Variants in OR6C2 observed in about 807,000 individuals in gnomAD.
OR6C2 encodes the protein olfactory receptor 6C2.
For missense variants in OR6C2, 435 were observed against 365.8 expected, an observed-to-expected ratio of 1.19 and a Z score of -1.54; for synonymous variants, 146 against 134.2, an observed-to-expected ratio of 1.09 and a Z score of -0.61.
In OR6C2 at chr12:55,453,272, A is replaced by G. The variant is rs1799401955; in HGVS notation, c.*120A>G. ...TAGTCATGTGAACCTTCTCAATGAC[A>G]TTTAATATTGCATCCTAATCCCATC... On this transcript the variant is annotated 3_prime_UTR_variant, in exon 2 of 2. Transcript: ENST00000641202. The G allele has an allele frequency of 3.0e-6, 2 of 672,392 alleles. No homozygotes were observed. Among genetic ancestry groups the G allele is most frequent in the African/African-American group, 3.6e-5 (2 of 54,942 alleles). The allele number at this position is 672,392 out of a possible 1,614,324, so 41.7% of individuals were successfully genotyped here.
chr12:55,452,934 T>C lies in OR6C2; in HGVS notation c.721T>C (p.Ser241Pro). The C allele has an allele frequency of 6.2e-7, 1 of 1,613,740 alleles. No individual in the cohort carries two copies. Among genetic ancestry groups the C allele is most frequent in the South Asian group, 1.1e-5 (1 of 91,084 alleles). The change falls in exon 2 of 2, where the codon TCC becomes CCC. Residue 241 changes from serine to proline, a missense_variant. Ser to Pro is a moderately conservative substitution (Grantham distance 74). Coordinates refer to ENST00000641202, the MANE Select transcript of OR6C2 (RefSeq NM_054105.2). ...QRKKAFSTCS[S>P]HMIVVSIAYG... ...GAAAAAGGCCTTTTCTACCTGTTCA[T>C]CCCACATGATTGTGGTTTCCATTGC...
At chr12:55,446,172 G>A (rs1162833894) in intron 1 of OR6C2, among the ~76,000 whole-genome samples, 1 of 150,266 alleles carries the variant, frequency 6.7e-6, no homozygotes, top group East Asian at 2.0e-4. Context: ...TTCGTGAGAC[G>A]GAGTTTCGCT....
In OR6C2 at chr12:55,453,282, G is replaced by T; in HGVS notation, c.*130G>T. 1.6e-6 allele frequency: 1 copy of T among 639,566 alleles called. No homozygotes were observed. Among genetic ancestry groups the T allele is most frequent in the Non-Finnish European group, 2.7e-6 (1 of 368,792 alleles). The allele number at this position is 639,566 out of a possible 1,614,324, so 39.6% of individuals were successfully genotyped here. A position where few individuals can be genotyped will look rare whatever the true frequency, so the allele number is the denominator to read the frequency against. ...AACCTTCTCAATGACATTTAATATTGCATCCTAATCCCATCTTTATCAAAA... is the reference window on the plus strand; with the variant it reads ...AACCTTCTCAATGACATTTAATATTTCATCCTAATCCCATCTTTATCAAAA... On this transcript the variant is annotated 3_prime_UTR_variant, in exon 2 of 2. Transcript: ENST00000641202.
chr12:55,452,816 T>G lies in OR6C2; in HGVS notation c.603T>G (p.Ala201=). The G allele has an allele frequency of 1.2e-6, 2 of 1,613,824 alleles. No homozygotes were observed. Among genetic ancestry groups the G allele is most frequent in the Non-Finnish European group, 1.7e-6 (2 of 1,179,790 alleles). The change falls in exon 2 of 2, where the codon GCT becomes GCG. Residue 201 remains alanine, a synonymous_variant. Coordinates refer to ENST00000641202, the MANE Select transcript of OR6C2 (RefSeq NM_054105.2). ...WVIEQMVILM[A]VFALIITLVC... ...TAGAACAGATGGTTATACTTATGGCTGTATTTGCACTCATTATCACCCTAG... is the reference window on the plus strand; with the variant it reads ...TAGAACAGATGGTTATACTTATGGCGGTATTTGCACTCATTATCACCCTAG...
chr12:55,444,629 A>G (rs1273903927), intron 1 of OR6C2, among the ~76,000 whole-genome samples: 3 of 152,178 alleles, frequency 2.0e-5, no homozygotes, highest in East Asian at 1.9e-4. Context: ...GTTGTTGCTC[A>G]TGATGCACTG....
rs1000333280 is a variant in OR6C2 at position 55,452,158 on chromosome 12, C to A, written c.-56C>A. ...TTTTGCTATAGAATTCAAATATCTACCCCCTCATAAACCGTGATTTTTAAA... is the reference window on the plus strand; with the variant it reads ...TTTTGCTATAGAATTCAAATATCTAACCCCTCATAAACCGTGATTTTTAAA... On this transcript the variant is annotated 5_prime_UTR_variant, in exon 2 of 2. Transcript: ENST00000641202. The A allele has an allele frequency of 1.3e-4, 144 of 1,119,736 alleles. 2 individuals carry two copies. The Admixed American group carries it at 3.3e-3, about 26-fold the overall frequency. 69.4% of individuals were successfully genotyped at this position (1,119,736 alleles called of 1,614,324 possible).
At chr12:55,445,662 T>C (rs888570196) in intron 1 of OR6C2, among the ~76,000 whole-genome samples, 6 of 152,178 alleles carry the variant, frequency 3.9e-5, no homozygotes, top group African/African-American at 1.4e-4. Context: ...AGAGATGACA[T>C]GAACAAAATA....
intron 1 of OR6C2, among the ~76,000 whole-genome samples, chr12:55,448,028 A>G (rs1237909430): frequency 1.3e-5 from 2 of 151,840 alleles, no homozygotes; most frequent in Non-Finnish European, 2.9e-5. Flanking sequence ...CTTGTTTTTT[A>G]ATAGCCATCC....
intron 1 of OR6C2, among the ~76,000 whole-genome samples, chr12:55,448,913 T>A (rs573919065): frequency 3.3e-5 from 5 of 151,974 alleles, no homozygotes; most frequent in Non-Finnish European, 7.4e-5. Flanking sequence ...TGTTCATATT[T>A]CTTTATGCTA....
chr12:55,448,643 C>CAAAAAAAAAATAAATAAATAAAAAAAAAA (rs1555179340), intron 1 of OR6C2, among the ~76,000 whole-genome samples: 2 of 71,704 alleles, frequency 2.8e-5, no homozygotes, highest in African/African-American at 1.0e-4. Flanking sequence ...CCATTCACTG[C>CAAAAAAAAAATAAATAAATAAAAAAAAAA]AAAAAAAAAA....
At chr12:55,451,025 AT>A (rs962096809) in intron 1 of OR6C2, among the ~76,000 whole-genome samples, 1 of 147,642 alleles carries the variant, frequency 6.8e-6, no homozygotes. Context: ...GTCTTTTTAA[AT>A]TTTTTTTAAT....
chr12:55,444,995 C>T (rs1050586101), intron 1 of OR6C2, among the ~76,000 whole-genome samples: 1 of 152,110 alleles, frequency 6.6e-6, no homozygotes, highest in African/African-American at 2.4e-5. Context: ...AAACAAGGAA[C>T]TGTTTTTCTT....
Position 55,453,332 on chromosome 12 carries a change from A to T in OR6C2, c.*180A>T. 2 of 549,150 alleles carry T rather than the reference A, an allele frequency of 3.6e-6. No individual in the cohort carries two copies. Among genetic ancestry groups the T allele is most frequent in the Non-Finnish European group, 6.4e-6 (2 of 312,582 alleles). The allele number at this position is 549,150 out of a possible 1,614,324, so 34.0% of individuals were successfully genotyped here. On this transcript the variant is annotated 3_prime_UTR_variant, in exon 2 of 2. Coordinates refer to ENST00000641202, the MANE Select transcript of OR6C2 (RefSeq NM_054105.2). Reference sequence around the variant, plus strand: ...ATCCTTATTATTTCGAACCAAGGTCATACATTGTGTTTTCCCTCATTGTGA... The same window carrying T: ...ATCCTTATTATTTCGAACCAAGGTCTTACATTGTGTTTTCCCTCATTGTGA...
In OR6C2 at chr12:55,452,485, C is replaced by A. The variant is rs1346594250; in HGVS notation, c.272C>A (p.Thr91Asn). The A allele has an allele frequency of 6.2e-7, 1 of 1,613,878 alleles. No homozygotes were observed. Among genetic ancestry groups the A allele is most frequent in the South Asian group, 1.1e-5 (1 of 91,082 alleles). Residue 91 changes from threonine (T) to asparagine (N), a missense_variant, in exon 2 of 2, where the codon ACC becomes AAC. Transcript: ENST00000641202. ...YNISMGDNTI[T>N]YNACASQIFF... ...ATATCAATGGGGGACAATACCATTACCTACAATGCTTGTGCCAGTCAAATA... is the reference window on the plus strand; with the variant it reads ...ATATCAATGGGGGACAATACCATTAACTACAATGCTTGTGCCAGTCAAATA...
chr12:55,445,896 C>A (rs1871352740), intron 1 of OR6C2, among the ~76,000 whole-genome samples: 1 of 152,168 alleles, frequency 6.6e-6, no homozygotes, highest in African/African-American at 2.4e-5. Flanking sequence ...TATACCACAG[C>A]TATTCTAATT....
Position 55,452,938 on chromosome 12 carries a change from A to G in OR6C2, c.725A>G (p.His242Arg). ...RKKAFSTCSS[H>R]MIVVSIAYGS... ...AAGGCCTTTTCTACCTGTTCATCCC[A>G]CATGATTGTGGTTTCCATTGCCTAT... Residue 242 changes from histidine (H) to arginine (R), a missense_variant, in exon 2 of 2, where the codon CAC becomes CGC. His to Arg is a conservative substitution (Grantham distance 29, BLOSUM62 0). Coordinates refer to ENST00000641202, the MANE Select transcript of OR6C2 (RefSeq NM_054105.2). 3 of 1,613,752 alleles carry G rather than the reference A, an allele frequency of 1.9e-6. No homozygotes were observed. The highest frequency in any genetic ancestry group is 2.5e-6 in the Non-Finnish European group (3 of 1,179,750).
chr12:55,452,117 T>C lies in OR6C2; in HGVS notation c.-97T>C. 1 of 711,960 alleles carries C rather than the reference T, an allele frequency of 1.4e-6. No homozygotes were observed. Among genetic ancestry groups the C allele is most frequent in the Non-Finnish European group, 2.3e-6 (1 of 431,382 alleles). The allele number at this position is 711,960 out of a possible 1,614,324, so 44.1% of individuals were successfully genotyped here. The stretch of plus-strand genomic sequence containing the variant: ...ATAAAAGTAGGCTGGTCAGCTTGGC[T>C]TCTAGATGCATATCCTTTTGCTATA... On this transcript the variant is annotated 5_prime_UTR_variant, in exon 2 of 2. Transcript: ENST00000641202.
intron 1 of OR6C2, among the ~76,000 whole-genome samples, chr12:55,444,653 G>A (rs940650032): frequency 1.3e-5 from 2 of 152,042 alleles, no homozygotes; most frequent in Non-Finnish European, 2.9e-5. Flanking sequence ...TGCACAAGAC[G>A]ATCAAGGCGT....
Position 55,452,906 on chromosome 12 carries a change from A to C in OR6C2, c.693A>C (p.Gln231His), listed in dbSNP as rs149306298. ...TTCTGAAGTTCCCTTCTGTTCAGCA[A>C]AGGAAAAAGGCCTTTTCTACCTGTT... ...RTILKFPSVQQRKKAFSTCSS... is the reference protein window; with the variant it reads ...RTILKFPSVQHRKKAFSTCSS... Residue 231 changes from glutamine to histidine, a missense_variant, in exon 2 of 2, where the codon CAA becomes CAC. Gln to His is a conservative substitution (Grantham distance 24). Transcript: ENST00000641202. 5.1e-5 allele frequency: 82 copies of C among 1,613,804 alleles called. 1 individual carries two copies. In the East Asian group the frequency reaches 1.8e-3, roughly 35 times the overall value.
Sources: allele counts gnomAD v4.1 joint callset (sites outside exome capture counted in the v4.1 genomes callset), GRCh38; gene constraint gnomAD v4.1.1; transcripts MANE v1.5; gene names NCBI Gene and HGNC (gene_info 2026-07-23, HGNC 2026-07-21).